NKAIN4: variants seen among roughly 807,000 people sequenced by gnomAD.
NKAIN4 encodes the protein sodium/potassium transporting ATPase interacting 4.
In NKAIN4, 28 loss-of-function variants were observed where a neutral mutation model predicts 28.8. The ratio of observed to expected loss-of-function variants is 0.97; its 90% CI spans 0.72 to 1.33. The LOEUF (loss-of-function observed/expected upper bound fraction) is 1.33. NKAIN4 is among the 40% of genes most tolerant of loss of function. NKAIN4 has a pLI of 0.00. For missense variants in NKAIN4, 289 were observed against 277.2 expected (o/e 1.04, Z -0.30); for synonymous variants, 122 against 115.6 (o/e 1.06, Z -0.36).
intron 4 of NKAIN4, chr20:63,246,760 T>C: frequency 1.0e-6 from 1 of 985,392 alleles, no homozygotes; most frequent in African/African-American, 1.7e-5. Flanking sequence ...GCTCTTGAGG[T>C]GAAACGCTGA....
chr20:63,249,786 G>A, intron 2 of NKAIN4, 149 bp downstream of exon 2: 1 of 724,154 alleles, frequency 1.4e-6, no homozygotes, highest in South Asian at 2.6e-5. Flanking sequence ...TGTCCAGGCA[G>A]CAAAGAGGTC....
At chr20:63,253,262 C>G (rs1240878270) in intron 1 of NKAIN4, 2 of 985,344 alleles carry the variant, frequency 2.0e-6, no homozygotes, top group Non-Finnish European at 2.4e-6. Context: ...TCCTTGGGCC[C>G]CCAGCCTGTT....
At chr20:63,243,067 C>T (rs2066790241) in intron 5 of NKAIN4, among the ~76,000 whole-genome samples, 1 of 152,244 alleles carries the variant, frequency 6.6e-6, no homozygotes, top group East Asian at 1.9e-4. Flanking sequence ...GACACTGTGT[C>T]TGCACAGCCA....
At chr20:63,248,503 G>T in intron 3 of NKAIN4, 1 of 311,778 alleles carries the variant, frequency 3.2e-6, no homozygotes, top group Non-Finnish European at 6.2e-6. Flanking sequence ...CAGGAGGGTG[G>T]TGTCCATTCA....
chr20:63,245,127 G>A lies in NKAIN4; in HGVS notation c.472-1043C>T, dbSNP rs560629494. On this transcript the variant is annotated intron_variant, in intron 4 of 6. Transcript: ENST00000370316. This position sits in a 1 kb window ranked among gnomAD's most constrained non-coding sequence, Gnocchi z 4.7. ...CCCCGACCCCATCTGGTACAGGCAA[G>A]TTGGTGGTTGCTTTCCTGGAAATCC... Among the ~76,000 whole-genome samples the A allele has an allele frequency of 1.3e-5, 2 of 152,274 alleles. No individual in the cohort carries two copies. The highest frequency in any genetic ancestry group is 1.3e-4 in the Admixed American group (2 of 15,302).
At position 63,245,293 on chromosome 20, in the gene NKAIN4, A is replaced by G. The variant is rs2066835762; in HGVS notation, c.472-1209T>C. 6.6e-6 allele frequency among the ~76,000 whole-genome samples: 1 copy of G among 152,142 alleles called. No individual in the cohort carries two copies. The highest frequency in any genetic ancestry group is 2.4e-5 in the African/African-American group (1 of 41,422). On this transcript the variant is annotated intron_variant, in intron 4 of 6. Transcript: ENST00000370316. The surrounding 1 kb of genome is among the most constrained non-coding windows in gnomAD (Gnocchi z 4.7). The stretch of plus-strand genomic sequence containing the variant: ...GGTTCCATGCCACGGCCAGGGTGGG[A>G]GCAGCGGTGAGGGTGGGCAACCTCC...
Position 63,241,446 on chromosome 20 carries a change from G to T in NKAIN4, c.*51C>A, listed in dbSNP as rs1444518060. ...CTGGGAGCTCCTGTCATTGTCACTGGTCGGTCGCTGAGGCTGGAGGCCACA... is the reference window on the plus strand; with the variant it reads ...CTGGGAGCTCCTGTCATTGTCACTGTTCGGTCGCTGAGGCTGGAGGCCACA... On this transcript the variant is annotated 3_prime_UTR_variant, in exon 7 of 7. Transcript: ENST00000370316. 2.6e-6 allele frequency: 4 copies of T among 1,548,734 alleles called. No homozygotes were observed. In the South Asian group the frequency reaches 3.6e-5, roughly 14 times the overall value.
chr20:63,247,240 T>C (rs1440727297), intron 4 of NKAIN4: 1 of 1,236,598 alleles, frequency 8.1e-7, no homozygotes, highest in African/African-American at 1.5e-5. Flanking sequence ...GGAAGATGCA[T>C]GCCCCTCCTC....
chr20:63,241,277 A>G lies in NKAIN4; in HGVS notation c.*220T>C. Reference sequence around the variant, plus strand: ...ATGTTTTCTTTTCTTTTTTTTTTTTAAGAGAAAGGAAATTACAAACTCTCT... The same window carrying G: ...ATGTTTTCTTTTCTTTTTTTTTTTTGAGAGAAAGGAAATTACAAACTCTCT... On this transcript the variant is annotated 3_prime_UTR_variant, in exon 7 of 7. Coordinates refer to ENST00000370316, the MANE Select transcript of NKAIN4 (RefSeq NM_152864.4). 1 of 489,548 alleles carries G rather than the reference A, an allele frequency of 2.0e-6. No homozygotes were observed. The highest frequency in any genetic ancestry group is 3.6e-6 in the Non-Finnish European group (1 of 275,700). The allele number at this position is 489,548 out of a possible 1,614,324, so 30.3% of individuals were successfully genotyped here.
In NKAIN4 at chr20:63,252,502, C is replaced by T. The variant is rs75261047; in HGVS notation, c.54+1895G>A. ...GCTATCCAACAACCCCGCCCTTCCT[C>T]CCGGGCCCCCTACCCCCATGCAGTG... On this transcript the variant is annotated intron_variant, in intron 1 of 6. Coordinates refer to ENST00000370316, the MANE Select transcript of NKAIN4 (RefSeq NM_152864.4). This position sits in a 1 kb window ranked among gnomAD's most constrained non-coding sequence, Gnocchi z 4.6. Among the ~76,000 whole-genome samples the T allele has an allele frequency of 1.3e-5, 2 of 152,102 alleles. No homozygotes were observed. Among genetic ancestry groups the T allele is most frequent in the Admixed American group, 1.3e-4 (2 of 15,286 alleles).
At chr20:63,241,870 C>T in intron 6 of NKAIN4, 1 of 407,442 alleles carries the variant, frequency 2.5e-6, no homozygotes. Context: ...GGGAGCTGGG[C>T]TCCTGCTACC....
chr20:63,249,960 T>C lies in NKAIN4; in HGVS notation c.167A>G (p.Gln56Arg), dbSNP rs760590909. ...CACCATGACATAGCGCAGCCGGTAC[T>C]GGATGGTGCCGAAGAGTCCCAGGAT... is the stretch of plus-strand genomic sequence containing the variant. Reference protein sequence around the residue: ...IVILGLFGTIQYRLRYVMVYT... With the variant: ...IVILGLFGTIRYRLRYVMVYT... Residue 56 changes from glutamine (Q) to arginine (R), a missense_variant, in exon 2 of 7, where the codon CAG becomes CGG. By Grantham distance (43) the Gln-to-Arg change is conservative. Transcript: ENST00000370316. 3.1e-6 allele frequency: 5 copies of C among 1,613,490 alleles called. No homozygotes were observed. Among genetic ancestry groups the C allele is most frequent in the Non-Finnish European group, 2.5e-6 (3 of 1,179,920 alleles).
intron 2 of NKAIN4, 67 bp downstream of exon 2, chr20:63,249,868 C>A (rs2066924585): frequency 3.3e-6 from 5 of 1,516,040 alleles, no homozygotes; most frequent in Non-Finnish European, 4.5e-6. Flanking sequence ...AGGATGGTGC[C>A]ATGGGAGCCG....
chr20:63,251,971 A>G (rs1238583422), intron 1 of NKAIN4, among the ~76,000 whole-genome samples: 4 of 152,118 alleles, frequency 2.6e-5, no homozygotes, highest in Admixed American at 1.3e-4. Context: ...GAGCCCCCCA[A>G]GGGGAGCAGT....
chr20:63,253,403 C>G, intron 1 of NKAIN4: 1 of 985,458 alleles, frequency 1.0e-6, no homozygotes, highest in Non-Finnish European at 1.2e-6. Context: ...TGCCCCTAAG[C>G]CGAGCACAGG....
intron 2 of NKAIN4, among the ~76,000 whole-genome samples, chr20:63,249,670 G>C (rs991123607): frequency 5.3e-5 from 8 of 152,168 alleles, no homozygotes; most frequent in Non-Finnish European, 1.0e-4. Context: ...TGGCTACTGA[G>C]GGGATGAATT....
chr20:63,242,115 T>A (rs902630368), intron 6 of NKAIN4, among the ~76,000 whole-genome samples: 1 of 152,176 alleles, frequency 6.6e-6, no homozygotes, highest in Non-Finnish European at 1.5e-5. Flanking sequence ...TTTGCAGAGC[T>A]GTGGACACTG....
At chr20:63,243,735 T>A (rs2066804104) in intron 5 of NKAIN4, 1 of 294,114 alleles carries the variant, frequency 3.4e-6, no homozygotes, top group Non-Finnish European at 6.4e-6. Context: ...CAGACCTTCC[T>A]CCCGTGGCCA....
In NKAIN4 at chr20:63,249,991, T is replaced by C. The variant is rs1339932432; in HGVS notation, c.136A>G (p.Ile46Val). 3 of 1,613,106 alleles carry C rather than the reference T, an allele frequency of 1.9e-6. No homozygotes were observed. The highest frequency in any genetic ancestry group is 1.7e-5 in the Admixed American group (1 of 59,974). Residue 46 changes from isoleucine (I) to valine (V), a missense_variant, in exon 2 of 7, where the codon ATC becomes GTC. Coordinates refer to ENST00000370316, the MANE Select transcript of NKAIN4 (RefSeq NM_152864.4). ...GTGCCGAAGAGTCCCAGGATGACGA[T>C]GATGATGTGGACAAAGTTGGCCAGG... Reference protein sequence around the residue: ...PILANFVHIIIVILGLFGTIQ... With the variant: ...PILANFVHIIVVILGLFGTIQ...
Sources: gnomAD v4.1 joint callset for allele counts (sites outside exome capture counted in the v4.1 genomes callset) on GRCh38, gnomAD v4.1.1 for gene constraint, Gnocchi (gnomAD v3.1) non-coding constraint, MANE v1.5 for transcripts, NCBI Gene and HGNC (gene_info 2026-07-23, HGNC 2026-07-21) for gene names.